Variants in SNX25 observed in about 807,000 individuals in gnomAD.
SNX25 encodes the protein sorting nexin 25.
In SNX25, 62 loss-of-function variants were observed where a neutral mutation model predicts 113.7. The observed-to-expected ratio is 0.55, with a 90% CI of 0.44 to 0.67. SNX25 has a LOEUF of 0.67. Ranked by LOEUF, SNX25 falls within the 30% of genes least tolerant of loss-of-function variation. The pLI is 0.00. For missense variants in SNX25, 1,014 were observed against 1,161.0 expected (o/e 0.87, Z 1.84); for synonymous variants, 421 against 436.2 (o/e 0.97, Z 0.43).
the SNX25 span, chr4:185,375,623 G>A: frequency 6.2e-7 from 1 of 1,601,388 alleles, no homozygotes; most frequent in African/African-American, 1.4e-5. Context: ...AGCGTCTAGA[G>A]TGGTCCCCAG....
At chr4:185,360,093 G>A (rs1240783336) in intron 16 of SNX25, among the ~76,000 whole-genome samples, 1 of 152,200 alleles carries the variant, frequency 6.6e-6, no homozygotes, top group East Asian at 1.9e-4. Flanking sequence ...CTGATAGAAA[G>A]TCAGATCTAA....
intron 1 of SNX25, among the ~76,000 whole-genome samples, chr4:185,245,355 T>A (rs191228113): frequency 6.6e-6 from 1 of 151,998 alleles, no homozygotes; most frequent in African/African-American, 2.4e-5. Context: ...CTTTTTTTTT[T>A]CTCCCAGACA....
At chr4:185,375,492 A>ATATATATATATATG in the SNX25 span, 2 of 54,826 alleles carry the variant, frequency 3.6e-5, no homozygotes, top group African/African-American at 1.2e-4. Flanking sequence ...AAAAAAATAT[A>ATATATATATATATG]TATATATATA....
intron 6 of SNX25, among the ~76,000 whole-genome samples, chr4:185,300,220 C>T (rs1753444277): frequency 6.6e-6 from 1 of 151,622 alleles, no homozygotes; most frequent in Non-Finnish European, 1.5e-5. Context: ...AGTGCGATGG[C>T]ACGATCTCAG....
rs2095346497 is a variant in SNX25 at position 185,358,017 on chromosome 4, T to G, written c.2651+280T>G. On this transcript the variant is annotated intron_variant, in intron 16 of 18. Transcript: ENST00000652585. ...TGTACTCTGTAGAGCTCCCCTTTAATCATGACGACGAGTTTGAGTATCTTG... is the reference window on the plus strand; with the variant it reads ...TGTACTCTGTAGAGCTCCCCTTTAAGCATGACGACGAGTTTGAGTATCTTG... 2.0e-5 allele frequency among the ~76,000 whole-genome samples: 3 copies of G among 152,228 alleles called. No individual in the cohort carries two copies. The South Asian group carries it at 6.2e-4, about 31-fold the overall frequency.
At chr4:185,265,260 C>T (rs552837828) in intron 4 of SNX25, among the ~76,000 whole-genome samples, 34 of 152,334 alleles carry the variant, frequency 2.2e-4, no homozygotes, top group African/African-American at 8.2e-4. Flanking sequence ...TAGACAATGT[C>T]ATTGTGCAAA....
chr4:185,267,083 A>G lies in SNX25; in HGVS notation c.1019A>G (p.Tyr340Cys), dbSNP rs1265568494. ...GAGCATCACAAGAGAGCCTACACCT[A>G]TGCCCCCTCTTACGAGGACTTCATC... ...MNEHHKRAYT[Y>C]APSYEDFIKL... is the part of the protein sequence containing the mutation. Residue 340 changes from tyrosine (Y) to cysteine (C), a missense_variant, in exon 5 of 19, where the codon TAT (tyrosine) becomes TGT (cysteine). Coordinates refer to ENST00000652585, the MANE Select transcript of SNX25 (RefSeq NM_001378034.2). 1 of 1,614,084 alleles carries G rather than the reference A, an allele frequency of 6.2e-7. No individual in the cohort carries two copies. The highest frequency in any genetic ancestry group is 1.7e-5 in the Admixed American group (1 of 60,020).
rs1742360690 is a variant in SNX25 at position 185,234,699 on chromosome 4, A to G, written c.430-12595A>G. ...TCTGTCTCAAAAAAAAAAAAAAAAA[A>G]AAAGTTTAGGCTATGACTTTTGGAA... On this transcript the variant is annotated intron_variant, in intron 1 of 18. Coordinates refer to ENST00000652585, the MANE Select transcript of SNX25 (RefSeq NM_001378034.2). Among the ~76,000 whole-genome samples the G allele has an allele frequency of 2.0e-5, 3 of 152,052 alleles. 1 individual carries two copies. The highest frequency in any genetic ancestry group is 4.4e-5 in the Non-Finnish European group (3 of 68,002).
intron 1 of SNX25, among the ~76,000 whole-genome samples, chr4:185,240,482 G>T (rs1487043054): frequency 2.0e-5 from 3 of 150,022 alleles, no homozygotes; most frequent in East Asian, 4.0e-4. Context: ...GGGCAGAGGC[G>T]CCCCTCACCT....
intron 6 of SNX25, among the ~76,000 whole-genome samples, chr4:185,310,272 C>T (rs1284077180): frequency 2.0e-5 from 3 of 152,174 alleles, no homozygotes; most frequent in Non-Finnish European, 4.4e-5. Context: ...TAGCTGGTGT[C>T]TTGACACATA....
intron 1 of SNX25, among the ~76,000 whole-genome samples, chr4:185,215,258 C>CT (rs774896928): frequency 3.9e-5 from 6 of 152,136 alleles, no homozygotes; most frequent in Non-Finnish European, 5.9e-5. Flanking sequence ...ATAAAGCTTT[C>CT]TGTAAGCACA....
upstream of SNX25, chr4:185,209,194 G>A (rs1307109643): frequency 6.6e-6 from 1 of 152,224 alleles, no homozygotes; most frequent in Non-Finnish European, 1.5e-5. This position sits in a 1 kb window ranked among gnomAD's most constrained non-coding sequence, Gnocchi z 5.2. Flanking sequence ...TAGAAACTGT[G>A]ACAGGGAGTC....
intron 1 of SNX25, among the ~76,000 whole-genome samples, chr4:185,211,945 C>T (rs1378372594): frequency 1.3e-5 from 2 of 152,026 alleles, no homozygotes; most frequent in Non-Finnish European, 2.9e-5. Flanking sequence ...GGATTATCAT[C>T]TAGAAAGATT....
Position 185,353,502 on chromosome 4 carries a change from C to T in SNX25, c.2484C>T (p.Asp828=), listed in dbSNP as rs1268175984. 6.2e-7 allele frequency: 1 copy of T among 1,614,044 alleles called. No homozygotes were observed. The highest frequency in any genetic ancestry group is 8.5e-7 in the Non-Finnish European group (1 of 1,179,920). ...ATTCCCAGGAGGAGACAGAGGAGGA[C>T]AGTGACCTGTCAGATTATGGTGATG... The part of the protein sequence containing the change: ...FSHQEEETEE[D]SDLSDYGDDV... The change falls in exon 15 of 19, where the codon GAC becomes GAT. Residue 828 remains aspartate (D), a synonymous_variant. Transcript: ENST00000652585.
At chr4:185,271,602 A>G (rs2126562566) in intron 5 of SNX25, among the ~76,000 whole-genome samples, 1 of 152,294 alleles carries the variant, frequency 6.6e-6, no homozygotes, top group East Asian at 1.9e-4. Flanking sequence ...TTTCTGGTAC[A>G]ATTATAGTAC....
the SNX25 span, chr4:185,377,260 G>A: frequency 3.7e-5 from 16 of 427,718 alleles, no homozygotes; most frequent in African/African-American, 2.8e-4. Context: ...GCTCACGCCT[G>A]TAAATCTCAG....
chr4:185,291,114 C>A (rs147716298), intron 6 of SNX25, among the ~76,000 whole-genome samples: 10 of 152,118 alleles, frequency 6.6e-5, no homozygotes, highest in African/African-American at 2.2e-4. Flanking sequence ...ACCTCTGTTA[C>A]GTTCTAAATG....
In SNX25 at chr4:185,296,809, T is replaced by A. The variant is rs543071960; in HGVS notation, c.1162+8727T>A. On this transcript the variant is annotated intron_variant, in intron 6 of 18. Coordinates refer to ENST00000652585, the MANE Select transcript of SNX25 (RefSeq NM_001378034.2). ...CGCAAAATTTTCTTTTCCCTGCCCC[T>A]ATTTTATCATTCAAACCTGGCCACA... Among the ~76,000 whole-genome samples the A allele has an allele frequency of 2.0e-5, 3 of 152,332 alleles. No individual in the cohort carries two copies. In the South Asian group the frequency reaches 6.2e-4, roughly 32 times the overall value.
chr4:185,349,755 ATTGT>A (rs1367260791), intron 13 of SNX25, among the ~76,000 whole-genome samples: 21 of 152,064 alleles, frequency 1.4e-4, no homozygotes, highest in African/African-American at 4.6e-4. Flanking sequence ...TTGCTGTTGA[ATTGT>A]TTGAGTTGTT....
Sources: gnomAD v4.1 joint callset for allele counts (sites outside exome capture counted in the v4.1 genomes callset) on GRCh38, gnomAD v4.1.1 for gene constraint, Gnocchi (gnomAD v3.1) non-coding constraint, MANE v1.5 for transcripts, NCBI Gene and HGNC (gene_info 2026-07-23, HGNC 2026-07-21) for gene names.